MINDY3: variants seen among roughly 807,000 people sequenced by gnomAD.
The protein encoded by MINDY3 is MINDY lysine 48 deubiquitinase 3.
MINDY3 carries 38 observed loss-of-function variants against 69.2 expected under a neutral mutation model. That is an observed-to-expected ratio of 0.55 (90% CI 0.42 to 0.72). The LOEUF is 0.72. Among genes scored for constraint, MINDY3 ranks in the 30% least tolerant of loss-of-function variants. The pLI is 0.00. For synonymous variants in MINDY3, 192 were observed against 180.1 expected (o/e 1.07, Z -0.53); for missense variants, 522 against 519.0 (o/e 1.01, Z -0.06).
intron 8 of MINDY3, 53 bp from the exon 9 acceptor site, chr10:15,821,779 G>T: frequency 6.8e-7 from 1 of 1,466,560 alleles, no homozygotes; most frequent in Non-Finnish European, 9.4e-7. Flanking sequence ...TTGTAGTAGT[G>T]TGTATAAATT....
intron 14 of MINDY3, among the ~76,000 whole-genome samples, chr10:15,779,531 TG>T (rs1836355480): frequency 6.6e-6 from 1 of 152,184 alleles, no homozygotes; most frequent in Non-Finnish European, 1.5e-5. Flanking sequence ...CAGATGCTCA[TG>T]CTGCCTAATG....
intron 2 of MINDY3, among the ~76,000 whole-genome samples, chr10:15,844,034 G>GT (rs1353574205): frequency 6.6e-6 from 1 of 152,142 alleles, no homozygotes; most frequent in Non-Finnish European, 1.5e-5. Context: ...TTAGTGTACA[G>GT]ATTAGGAAGA....
intron 1 of MINDY3, among the ~76,000 whole-genome samples, chr10:15,858,543 A>G (rs917605916): frequency 1.3e-5 from 2 of 152,238 alleles, no homozygotes; most frequent in African/African-American, 2.4e-5. Flanking sequence ...AATTATTTAC[A>G]TGGCCTCTAA....
At chr10:15,858,477 A>T (rs530392247) in intron 1 of MINDY3, among the ~76,000 whole-genome samples, 59 of 152,342 alleles carry the variant, frequency 3.9e-4, no homozygotes, top group African/African-American at 1.3e-3. Flanking sequence ...ATAATATAAA[A>T]ACAGCTACCA....
chr10:15,782,227 CTAT>C lies in MINDY3; in HGVS notation c.1117-4_1117-2del, dbSNP rs1300204273. ...TAAAAGATTCTGGACCACTGGAGCC[CTAT>C]TATAAATAAAGGACTATTAACACTT... On this transcript the variant is annotated splice_acceptor_variant and splice_polypyrimidine_tract_variant and intron_variant, in intron 13 of 14. Coordinates refer to ENST00000277632, the MANE Select transcript of MINDY3 (RefSeq NM_024948.4). LOFTEE classifies it high-confidence loss of function. 8.2e-6 allele frequency: 13 copies of C among 1,593,926 alleles called. No homozygotes were observed. Among genetic ancestry groups the C allele is most frequent in the Non-Finnish European group, 1.1e-5 (13 of 1,165,386 alleles).
At chr10:15,835,325 T>C (rs963503385) in intron 6 of MINDY3, among the ~76,000 whole-genome samples, 2 of 151,982 alleles carry the variant, frequency 1.3e-5, no homozygotes, top group African/African-American at 4.8e-5. Context: ...CTGCTATTCA[T>C]TGTTCTATTC....
At chr10:15,781,888 C>CTTG (rs1836560792) in intron 14 of MINDY3, among the ~76,000 whole-genome samples, 1 of 152,140 alleles carries the variant, frequency 6.6e-6, no homozygotes, top group Non-Finnish European at 1.5e-5. Flanking sequence ...TTTAGAAACA[C>CTTG]GCTACACTGC....
intron 10 of MINDY3, among the ~76,000 whole-genome samples, chr10:15,814,241 C>A (rs531543469): frequency 2.6e-5 from 4 of 151,998 alleles, no homozygotes; most frequent in African/African-American, 9.6e-5. Context: ...CTTTGTTTTA[C>A]TTTTATTTCA....
rs1438563912 is a variant in MINDY3 at position 15,821,589 on chromosome 10, A to G, written c.801+67T>C. ...TGCTCAAATGTGCTGTCAGAGGAAC[A>G]AAACAGTATCCACAATAGTGGACAT... On this transcript the variant is annotated intron_variant, in intron 9 of 14. Transcript: ENST00000277632. 10 of 1,229,800 alleles carry G rather than the reference A, an allele frequency of 8.1e-6. No homozygotes were observed. The Admixed American group carries it at 1.9e-4, about 23-fold the overall frequency. 76.2% of individuals were successfully genotyped at this position (1,229,800 alleles called of 1,614,324 possible). A position where few individuals can be genotyped will look rare whatever the true frequency, so the allele number is the denominator to read the frequency against.
chr10:15,856,314 T>C (rs1248192725), intron 1 of MINDY3, among the ~76,000 whole-genome samples: 2 of 151,932 alleles, frequency 1.3e-5, no homozygotes, highest in African/African-American at 4.8e-5. Flanking sequence ...ATTTGTTAAA[T>C]ATCTTTTTTT....
chr10:15,795,662 A>T (rs1837761890), intron 11 of MINDY3, among the ~76,000 whole-genome samples: 1 of 152,088 alleles, frequency 6.6e-6, no homozygotes. Context: ...TGTTAGGTAG[A>T]ATAGCTAAGC....
intron 11 of MINDY3, among the ~76,000 whole-genome samples, chr10:15,794,424 G>A (rs1220380581): frequency 1.3e-5 from 2 of 152,086 alleles, no homozygotes; most frequent in African/African-American, 4.8e-5. Flanking sequence ...CACGAACAGT[G>A]TGATATTTAG....
rs199833154 is a variant in MINDY3, at chr10:15,834,637, G to T, written c.577-21C>A. The T allele has an allele frequency of 1.4e-4, 213 of 1,562,214 alleles. No individual in the cohort carries two copies. In the African/African-American group the frequency reaches 2.5e-3, roughly 19 times the overall value. ...ATGCCCTAAAGAAACAGAATTCATTGACTTATTTTAAAAAACTAAAATGAA... is the reference window on the plus strand; with the variant it reads ...ATGCCCTAAAGAAACAGAATTCATTTACTTATTTTAAAAAACTAAAATGAA... On this transcript the variant is annotated intron_variant, in intron 6 of 14. Coordinates refer to ENST00000277632, the MANE Select transcript of MINDY3 (RefSeq NM_024948.4).
chr10:15,826,908 A>T (rs918626055), intron 8 of MINDY3, among the ~76,000 whole-genome samples: 1 of 152,104 alleles, frequency 6.6e-6, no homozygotes. Context: ...AGAGCCAAAC[A>T]TTAAAAAACA....
chr10:15,822,975 T>C (rs971934096), intron 8 of MINDY3, among the ~76,000 whole-genome samples: 29 of 152,206 alleles, frequency 1.9e-4, no homozygotes, highest in African/African-American at 7.0e-4. Context: ...ACATAATGCA[T>C]ATATAATTTT....
intron 10 of MINDY3, among the ~76,000 whole-genome samples, chr10:15,808,504 GT>G (rs1300160730): frequency 1.3e-5 from 2 of 152,118 alleles, no homozygotes; most frequent in African/African-American, 4.8e-5. Context: ...TCACCGCAGT[GT>G]TTTTCCTGTT....
intron 10 of MINDY3, among the ~76,000 whole-genome samples, chr10:15,810,624 G>T (rs1347485480): frequency 6.6e-6 from 1 of 151,878 alleles, no homozygotes; most frequent in African/African-American, 2.4e-5. Flanking sequence ...TTTTAAGATG[G>T]ATCTACAGTG....
chr10:15,795,739 C>G (rs1018715846), intron 11 of MINDY3, among the ~76,000 whole-genome samples: 1 of 151,994 alleles, frequency 6.6e-6, no homozygotes, highest in African/African-American at 2.4e-5. Flanking sequence ...GTCAATTATA[C>G]AGAAATATCC....
At chr10:15,832,573 ACT>A (rs1357905073) in intron 8 of MINDY3, among the ~76,000 whole-genome samples, 1 of 152,192 alleles carries the variant, frequency 6.6e-6, no homozygotes, top group Non-Finnish European at 1.5e-5. Context: ...CACGAATTTC[ACT>A]GTTTAAACTC....
Sources: allele counts gnomAD v4.1 joint callset (sites outside exome capture counted in the v4.1 genomes callset), GRCh38; gene constraint gnomAD v4.1.1; transcripts MANE v1.5; gene names NCBI Gene and HGNC (gene_info 2026-07-23, HGNC 2026-07-21).